LGR4: variants seen among roughly 807,000 people sequenced by gnomAD.
LGR4 encodes the protein leucine rich repeat containing G protein-coupled receptor 4.
A neutral mutation model predicts 84.8 loss-of-function variants in LGR4; 44 were observed. That is an observed-to-expected ratio of 0.52 (90% confidence interval 0.41 to 0.67). The LOEUF (loss-of-function observed/expected upper bound fraction) is 0.67. Among genes scored for constraint, LGR4 ranks in the 30% least tolerant of loss-of-function variants. The pLI is 0.00. For missense variants in LGR4, 1,032 were observed against 1,131.4 expected, an observed-to-expected ratio of 0.91 and a Z score of 1.26; for synonymous variants, 429 against 434.3, an observed-to-expected ratio of 0.99 and a Z score of 0.15.
intron 1 of LGR4, among the ~76,000 whole-genome samples, chr11:27,462,286 A>G (rs2133455860): frequency 6.6e-6 from 1 of 152,304 alleles, no homozygotes; most frequent in South Asian, 2.1e-4. Context: ...ATGTTAGGAC[A>G]GCACCTTTCT....
intron 1 of LGR4, among the ~76,000 whole-genome samples, chr11:27,431,067 G>C (rs944889224): frequency 2.0e-5 from 3 of 151,490 alleles, no homozygotes; most frequent in African/African-American, 7.3e-5. Flanking sequence ...CCCTAAAATG[G>C]CCCCCAGTAA....
intron 7 of LGR4, among the ~76,000 whole-genome samples, chr11:27,381,916 TTCCCCAGTAAGACTA>T (rs1863102845): frequency 6.6e-6 from 1 of 152,208 alleles, no homozygotes; most frequent in Non-Finnish European, 1.5e-5. Context: ...CATGATCAGT[TTCCCCAGTAAGACTA>T]AGACTACAAG....
Position 27,372,410 on chromosome 11 carries a change from A to C in LGR4, c.1380-12T>G. The C allele has an allele frequency of 6.5e-7, 1 of 1,527,028 alleles. No homozygotes were observed. The highest frequency in any genetic ancestry group is 9.1e-7 in the Non-Finnish European group (1 of 1,101,056). 94.6% of individuals were successfully genotyped at this position (1,527,028 alleles called of 1,614,324 possible). Reference sequence around the variant, plus strand: ...GTACTGATAAAGACCTGGAAAAAAAAGTTGTAAAATCTACACTGAACAGCA... The same window carrying C: ...GTACTGATAAAGACCTGGAAAAAAACGTTGTAAAATCTACACTGAACAGCA... On this transcript the variant is annotated splice_polypyrimidine_tract_variant and intron_variant, in intron 15 of 17. Transcript: ENST00000379214.
intron 2 of LGR4, among the ~76,000 whole-genome samples, chr11:27,405,020 A>C (rs1863577772): frequency 6.6e-6 from 1 of 152,256 alleles, no homozygotes; most frequent in East Asian, 1.9e-4. Flanking sequence ...TCTGTCTCTT[A>C]AACCCAATAG....
chr11:27,402,683 T>G (rs1018123175), intron 2 of LGR4, among the ~76,000 whole-genome samples: 1 of 152,200 alleles, frequency 6.6e-6, no homozygotes, highest in African/African-American at 2.4e-5. Flanking sequence ...CAGCATCCCC[T>G]GCCGTTTGGC....
At chr11:27,378,276 A>G (rs1280506626) in intron 11 of LGR4, among the ~76,000 whole-genome samples, 1 of 152,114 alleles carries the variant, frequency 6.6e-6, no homozygotes, top group Admixed American at 6.6e-5. Context: ...ATTTACTTTT[A>G]GTTTCTAGGT....
Position 27,459,874 on chromosome 11 carries a change from T to C in LGR4, c.185+12244A>G, listed in dbSNP as rs562854470. Among the ~76,000 whole-genome samples, 3 of 151,706 alleles carry C rather than the reference T, an allele frequency of 2.0e-5. No homozygotes were observed. The East Asian group carries it at 6.0e-4, about 30-fold the overall frequency. On this transcript the variant is annotated intron_variant, in intron 1 of 17. Coordinates refer to ENST00000379214, the MANE Select transcript of LGR4 (RefSeq NM_018490.5). ...GAGAGGCCAAGGCAGGTGGATCACC[T>C]GAGGTCAGGAGTTCGAGACCAGCGG...
At chr11:27,393,842 C>T (rs7941979) in intron 2 of LGR4, among the ~76,000 whole-genome samples, 4 of 146,388 alleles carry the variant, frequency 2.7e-5, no homozygotes, top group African/African-American at 7.6e-5. Flanking sequence ...GCATTATTTT[C>T]TCTTGAAGTG....
At position 27,368,681 on chromosome 11, in the gene LGR4, A is replaced by C. The variant is rs1862817978; in HGVS notation, c.2042T>G (p.Leu681Arg). ...TGCAGAATATTCCCCTCTATGGAAAAGGGGAAAACAGCCTGCTACTGTAGC... is the reference window on the plus strand; with the variant it reads ...TGCAGAATATTCCCCTCTATGGAAACGGGGAAAACAGCCTGCTACTGTAGC... ...LGATVAGCFP[L>R]FHRGEYSASP... is the part of the protein sequence containing the mutation. The change falls in exon 18 of 18, where the codon CTT becomes CGT. Residue 681 changes from leucine to arginine, a missense_variant. Coordinates refer to ENST00000379214, the MANE Select transcript of LGR4 (RefSeq NM_018490.5). The C allele has an allele frequency of 1.9e-6, 3 of 1,613,750 alleles. No homozygotes were observed. Among genetic ancestry groups the C allele is most frequent in the East Asian group, 2.2e-5 (1 of 44,906 alleles).
At chr11:27,446,908 C>T (rs1282099651) in intron 1 of LGR4, among the ~76,000 whole-genome samples, 2 of 151,962 alleles carry the variant, frequency 1.3e-5, no homozygotes, top group Admixed American at 6.6e-5. Flanking sequence ...AGCTGGAAAC[C>T]ATCATTCTGA....
At chr11:27,445,118 T>C (rs1217711612) in intron 1 of LGR4, among the ~76,000 whole-genome samples, 1 of 152,156 alleles carries the variant, frequency 6.6e-6, no homozygotes, top group Non-Finnish European at 1.5e-5. Flanking sequence ...AGCCTTCCAA[T>C]CCCCAAGGCA....
intron 2 of LGR4, among the ~76,000 whole-genome samples, chr11:27,403,035 A>T (rs1285864764): frequency 6.6e-6 from 1 of 152,238 alleles, no homozygotes; most frequent in East Asian, 1.9e-4. Context: ...AGACACTGTT[A>T]CTTGGAGTTT....
At chr11:27,437,223 A>T (rs145924199) in intron 1 of LGR4, among the ~76,000 whole-genome samples, 115 of 152,282 alleles carry the variant, frequency 7.6e-4, no homozygotes, top group African/African-American at 2.7e-3. Context: ...ACACTTGTTT[A>T]TATTTTAAAA....
chr11:27,371,572 T>C, intron 17 of LGR4, 43 bp downstream of exon 17: 2 of 1,361,204 alleles, frequency 1.5e-6, no homozygotes, highest in Non-Finnish European at 2.1e-6. Context: ...TTGCCTAATG[T>C]TTGTTTAACA....
chr11:27,468,912 C>A (rs1864824676), intron 1 of LGR4, among the ~76,000 whole-genome samples: 1 of 152,168 alleles, frequency 6.6e-6, no homozygotes, highest in African/African-American at 2.4e-5. Flanking sequence ...CAATAACACA[C>A]AAACCAGAGG....
rs1380411340 is a variant in LGR4 at position 27,472,105 on chromosome 11, C to T, written c.185+13G>A. On this transcript the variant is annotated intron_variant, in intron 1 of 17. Transcript: ENST00000379214. ...TCCTCCCCCCCCCTCGCGTCCCCGC[C>T]GCCCGCACTCACAGCGCTTGGGTGA... The T allele has an allele frequency of 1.5e-6, 2 of 1,306,276 alleles. No homozygotes were observed. Among genetic ancestry groups the T allele is most frequent in the South Asian group, 2.1e-5 (1 of 48,576 alleles). The allele number at this position is 1,306,276 out of a possible 1,614,324, so 80.9% of individuals were successfully genotyped here.
chr11:27,459,959 C>T (rs1864653264), intron 1 of LGR4, among the ~76,000 whole-genome samples: 1 of 152,066 alleles, frequency 6.6e-6, no homozygotes, highest in Non-Finnish European at 1.5e-5. Context: ...AGTGTGATGA[C>T]ATGTGCCTGT....
At chr11:27,381,775 G>A (rs182870860) in intron 7 of LGR4, among the ~76,000 whole-genome samples, 1 of 152,044 alleles carries the variant, frequency 6.6e-6, no homozygotes, top group Admixed American at 6.6e-5. Context: ...TTTCAAGTCT[G>A]GTCAAACTCC....
chr11:27,436,367 AAGAAAGAG>A (rs1190977520), intron 1 of LGR4, among the ~76,000 whole-genome samples: 49 of 146,118 alleles, frequency 3.4e-4, no homozygotes, highest in African/African-American at 1.2e-3. Flanking sequence ...GAAAGAAAGA[AAGAAAGAG>A]AGAGAGAGAG....
Sources: allele counts gnomAD v4.1 joint callset (sites outside exome capture counted in the v4.1 genomes callset), GRCh38; gene constraint gnomAD v4.1.1; transcripts MANE v1.5; gene names NCBI Gene and HGNC (gene_info 2026-07-23, HGNC 2026-07-21).